The following IL21R variants were observed in gnomAD, a reference collection of about 807,000 sequenced individuals.
IL21R encodes interleukin 21 receptor.
IL21R carries 14 observed loss-of-function variants against 41.3 expected under a neutral mutation model. The ratio of observed to expected loss-of-function variants is 0.34; its 90% CI spans 0.22 to 0.53. The LOEUF (loss-of-function observed/expected upper bound fraction) is 0.53, where lower values mean the gene tolerates loss of function less well. Among genes scored for constraint, IL21R ranks in the 20% least tolerant of loss-of-function variants. IL21R has a pLI of 0.94. For missense variants in IL21R, 588 were observed against 681.6 expected (o/e 0.86, Z 1.53); for synonymous variants, 286 against 287.6 (o/e 0.99, Z 0.05).
At chr16:27,446,777 G>A (rs927895312) in intron 8 of IL21R, among the ~76,000 whole-genome samples, 6 of 152,000 alleles carry the variant, frequency 3.9e-5, no homozygotes, top group Admixed American at 2.0e-4. Flanking sequence ...CCTGGCCCAC[G>A]GGGCAAAACA....
intron 4 of IL21R, among the ~76,000 whole-genome samples, chr16:27,438,764 G>C (rs2087318691): frequency 6.6e-6 from 1 of 152,224 alleles, no homozygotes; most frequent in Admixed American, 6.5e-5. Context: ...CGGCTACTCG[G>C]GAGGCTGAGG....
chr16:27,432,265 A>C (rs746819217), intron 2 of IL21R, among the ~76,000 whole-genome samples: 23 of 152,220 alleles, frequency 1.5e-4, no homozygotes, highest in Non-Finnish European at 3.1e-4. Context: ...TCTCATCTCA[A>C]CACCTCAACA....
At position 27,448,987 on chromosome 16, in the gene IL21R, C is replaced by A. The variant is rs756335632; in HGVS notation, c.1321C>A (p.Pro441Thr). The change falls in exon 9 of 9, where the codon CCC becomes ACC. Residue 441 changes from proline (P) to threonine (T), a missense_variant. Pro to Thr is a conservative substitution (Grantham distance 38). Transcript: ENST00000337929. ...AGCTGGCAGCCCTGGGCTAGGAGGG[C>A]CCCTGGGAAGCCTCCTGGACAGACT... Reference protein sequence around the residue: ...VSAGSPGLGGPLGSLLDRLKP... With the variant: ...VSAGSPGLGGTLGSLLDRLKP... The A allele has an allele frequency of 1.2e-6, 2 of 1,612,796 alleles. No individual in the cohort carries two copies. The highest frequency in any genetic ancestry group is 3.3e-5 in the Admixed American group (2 of 60,014).
At chr16:27,440,286 A>AGAG (rs1567370101) in intron 4 of IL21R, among the ~76,000 whole-genome samples, 11 of 105,454 alleles carry the variant, frequency 1.0e-4, no homozygotes, top group South Asian at 5.9e-4. Context: ...GAGAGCGAGC[A>AGAG]AGCGCGCGCC....
At chr16:27,420,622 C>A (rs1212044849) in intron 1 of IL21R, among the ~76,000 whole-genome samples, 1 of 152,154 alleles carries the variant, frequency 6.6e-6, no homozygotes, top group African/African-American at 2.4e-5. Context: ...AAATGTCTAT[C>A]CAAATCTTTT....
intron 7 of IL21R, 101 bp downstream of exon 7, chr16:27,445,377 C>T (rs1465963977): frequency 1.3e-6 from 1 of 766,634 alleles, no homozygotes; most frequent in East Asian, 2.6e-5. Flanking sequence ...ATCATGGTAA[C>T]AATGATGATG....
intron 2 of IL21R, 32 bp from the exon 3 acceptor site, chr16:27,434,315 C>G (rs370130025): frequency 1.9e-5 from 27 of 1,413,698 alleles, no homozygotes; most frequent in South Asian, 3.4e-5. Context: ...AGCCACCCCC[C>G]ACCAAGGCCT....
At chr16:27,444,391 TCC>T in intron 5 of IL21R, 149 bp from the exon 6 acceptor site, 4 of 489,052 alleles carry the variant, frequency 8.2e-6, no homozygotes, top group South Asian at 4.9e-5. Context: ...CATGCCTGAG[TCC>T]AGCTACTCAG....
intron 4 of IL21R, among the ~76,000 whole-genome samples, chr16:27,439,101 A>C (rs1055961087): frequency 2.0e-5 from 3 of 151,918 alleles, no homozygotes; most frequent in African/African-American, 4.8e-5. Flanking sequence ...TGTGATTCAC[A>C]CTCTGGGGGT....
In IL21R at chr16:27,451,309, A is replaced by G; in HGVS notation, c.*2026A>G. 1 of 227,960 alleles carries G rather than the reference A, an allele frequency of 4.4e-6. No homozygotes were observed. Among genetic ancestry groups the G allele is most frequent in the East Asian group, 6.3e-5 (1 of 15,996 alleles). 14.1% of individuals were successfully genotyped at this position (227,960 alleles called of 1,614,324 possible). On this transcript the variant is annotated 3_prime_UTR_variant, in exon 9 of 9. Transcript: ENST00000337929. ...TGCTGGGTGGCGGAGGGGAACACAGATGGTTGGGGAAGGCCTGAGGCCAGA... is the reference window on the plus strand; with the variant it reads ...TGCTGGGTGGCGGAGGGGAACACAGGTGGTTGGGGAAGGCCTGAGGCCAGA...
At chr16:27,413,598 G>A in intron 1 of IL21R, among the ~76,000 whole-genome samples, 1 of 149,586 alleles carries the variant, frequency 6.7e-6, no homozygotes, top group East Asian at 2.0e-4. Context: ...TTTCTAGGAG[G>A]TTTTCGATTA....
intron 1 of IL21R, among the ~76,000 whole-genome samples, chr16:27,405,538 C>T (rs998912158): frequency 2.0e-5 from 3 of 152,264 alleles, no homozygotes; most frequent in South Asian, 2.1e-4. Flanking sequence ...CTCAGGGAAC[C>T]GTCTAGAAGG....
chr16:27,449,387 T>C lies in IL21R; in HGVS notation c.*104T>C. ...AAGACACCTGCAGCCTTTGGTCTCCTGGATGGGCCTTTGAGCCTGATGTTT... is the reference window on the plus strand; with the variant it reads ...AAGACACCTGCAGCCTTTGGTCTCCCGGATGGGCCTTTGAGCCTGATGTTT... On this transcript the variant is annotated 3_prime_UTR_variant, in exon 9 of 9. Transcript: ENST00000337929. 1 of 1,198,648 alleles carries C rather than the reference T, an allele frequency of 8.3e-7. No individual in the cohort carries two copies. The highest frequency in any genetic ancestry group is 1.5e-5 in the South Asian group (1 of 65,646). The allele number at this position is 1,198,648 out of a possible 1,614,324, so 74.3% of individuals were successfully genotyped here.
rs3093370 is a variant in IL21R at position 27,444,605 on chromosome 16, C to T, written c.571C>T (p.Arg191Cys). 1.4e-4 allele frequency: 214 copies of T among 1,584,130 alleles called. No individual in the cohort carries two copies. In the African/African-American group the frequency reaches 2.3e-3, roughly 17 times the overall value. Residue 191 changes from arginine to cysteine, a missense_variant, in exon 6 of 9, where the codon CGC becomes TGC. Arg to Cys is a radical substitution (Grantham distance 180). Coordinates refer to ENST00000337929, the MANE Select transcript of IL21R (RefSeq NM_181078.3). The stretch of plus-strand genomic sequence containing the variant: ...TGTCTCCCTCCTCCCCCTGGAGTTC[C>T]GCAAAGACTCGAGCTATGAGCTGCA... ...RSVSLLPLEF[R>C]KDSSYELQVR...
At chr16:27,421,779 T>TTGTA (rs999602612) in intron 1 of IL21R, among the ~76,000 whole-genome samples, 2 of 152,146 alleles carry the variant, frequency 1.3e-5, no homozygotes, top group African/African-American at 4.8e-5. Flanking sequence ...TCCTTTAGTT[T>TTGTA]TGTATATACA....
At chr16:27,431,169 G>T (rs1275128947) in intron 2 of IL21R, among the ~76,000 whole-genome samples, 4 of 152,202 alleles carry the variant, frequency 2.6e-5, no homozygotes, top group East Asian at 3.8e-4. Context: ...TTTTTCTCTG[G>T]TTTTTACCAG....
At position 27,444,598 on chromosome 16, in the gene IL21R, G is replaced by A; in HGVS notation, c.564G>A (p.Leu188=). The A allele has an allele frequency of 6.3e-7, 1 of 1,579,888 alleles. No individual in the cohort carries two copies. The highest frequency in any genetic ancestry group is 8.6e-7 in the Non-Finnish European group (1 of 1,163,564). Residue 188 remains leucine (L), a synonymous_variant, in exon 6 of 9, where the codon CTG becomes CTA. Coordinates refer to ENST00000337929, the MANE Select transcript of IL21R (RefSeq NM_181078.3). Reference sequence around the variant, plus strand: ...CAAGAAGTGTCTCCCTCCTCCCCCTGGAGTTCCGCAAAGACTCGAGCTATG... The same window carrying A: ...CAAGAAGTGTCTCCCTCCTCCCCCTAGAGTTCCGCAAAGACTCGAGCTATG... The part of the protein sequence containing the change: ...VDSRSVSLLP[L]EFRKDSSYEL...
chr16:27,434,014 G>A (rs572252308), intron 2 of IL21R, among the ~76,000 whole-genome samples: 29 of 152,302 alleles, frequency 1.9e-4, no homozygotes, highest in Non-Finnish European at 2.9e-4. Flanking sequence ...CTGAGTGGGA[G>A]CTTGGCCAGG....
chr16:27,438,932 G>GTGTA lies in IL21R; in HGVS notation c.352+1248_352+1249insATGT, dbSNP rs560142394. Among the ~76,000 whole-genome samples, 282 of 126,262 alleles carry GTGTA rather than the reference G, an allele frequency of 2.2e-3. 2 individuals are homozygous for GTGTA. The highest frequency in any genetic ancestry group is 0.01 in the African/African-American group (269 of 25,714). The allele number at this position is 126,262 out of a possible 152,430, so 82.8% of individuals were successfully genotyped here. ...GCCTGGGAGGTGGCTTTGGCATGGT[G>GTGTA]TGTGTGTGTGTGTGTGTGTGTGTAT... is the stretch of plus-strand genomic sequence containing the variant. On this transcript the variant is annotated intron_variant, in intron 4 of 8. Transcript: ENST00000337929.
Sources: gnomAD v4.1 joint callset for allele counts (sites outside exome capture counted in the v4.1 genomes callset) on GRCh38, gnomAD v4.1.1 for gene constraint, MANE v1.5 for transcripts, NCBI Gene and HGNC (gene_info 2026-07-23, HGNC 2026-07-21) for gene names.